Variants in TMEFF1 observed in about 807,000 individuals in gnomAD.
TMEFF1 encodes the protein transmembrane protein with EGF like and two follistatin like domains 1, also known as tomoregulin-1.
Under a neutral mutation model 47.5 loss-of-function variants are expected in TMEFF1, and 20 were observed. The observed-to-expected ratio is 0.42, with a 90% CI of 0.30 to 0.61. The LOEUF (loss-of-function observed/expected upper bound fraction) is 0.61. Ranked by LOEUF, TMEFF1 falls within the 20% of genes least tolerant of loss-of-function variation. TMEFF1 has a pLI of 0.19. For synonymous variants in TMEFF1, 162 were observed against 166.3 expected (o/e 0.97, Z 0.20); for missense variants, 411 against 471.1 (o/e 0.87, Z 1.18).
At chr9:100,540,206 C>G (rs559923509) in intron 5 of TMEFF1, among the ~76,000 whole-genome samples, 4 of 152,016 alleles carry the variant, frequency 2.6e-5, no homozygotes, top group African/African-American at 7.2e-5. Context: ...TTTAGGTAGA[C>G]ACAAAAGTTC....
chr9:100,526,644 A>G (rs925992133), intron 5 of TMEFF1, among the ~76,000 whole-genome samples: 7 of 152,126 alleles, frequency 4.6e-5, no homozygotes, highest in African/African-American at 1.7e-4. Context: ...CTATCTATTG[A>G]AAGAGTGAGA....
intron 5 of TMEFF1, among the ~76,000 whole-genome samples, chr9:100,546,049 C>T (rs1207039911): frequency 1.3e-5 from 2 of 152,188 alleles, no homozygotes; most frequent in African/African-American, 4.8e-5. Context: ...ACTTCTGAGC[C>T]CTCCAAACTG....
intron 1 of TMEFF1, among the ~76,000 whole-genome samples, chr9:100,486,583 T>C (rs1837454591): frequency 6.6e-6 from 1 of 152,246 alleles, no homozygotes; most frequent in Admixed American, 6.5e-5. Flanking sequence ...GCTTTGCATT[T>C]TCTGTTTATG....
intron 5 of TMEFF1, among the ~76,000 whole-genome samples, chr9:100,544,248 A>T (rs1457401402): frequency 6.6e-6 from 1 of 152,044 alleles, no homozygotes; most frequent in African/African-American, 2.4e-5. Context: ...CACACTGCTG[A>T]TAAAGACATA....
At position 100,560,077 on chromosome 9, in the gene TMEFF1, A is replaced by G. The variant is rs143918700; in HGVS notation, c.776-1320A>G. On this transcript the variant is annotated intron_variant, in intron 7 of 9. Transcript: ENST00000374879. ...ATCTTCCTCTTGATCTTCTCCATAC[A>G]CATACATATAACTCACTATTTCATT... Among the ~76,000 whole-genome samples, 135 of 152,142 alleles carry G rather than the reference A, an allele frequency of 8.9e-4. 1 individual carries two copies. The East Asian group carries it at 0.022, about 25-fold the overall frequency.
chr9:100,495,393 G>T (rs927442171), intron 1 of TMEFF1, among the ~76,000 whole-genome samples: 2 of 152,076 alleles, frequency 1.3e-5, no homozygotes, highest in Non-Finnish European at 2.9e-5. Flanking sequence ...TACAAGTCTT[G>T]TTTTTTCTGA....
At chr9:100,493,942 G>A (rs1229342825) in intron 1 of TMEFF1, among the ~76,000 whole-genome samples, 1 of 152,092 alleles carries the variant, frequency 6.6e-6, no homozygotes, top group Non-Finnish European at 1.5e-5. Context: ...TAGCACTTTG[G>A]GAGGCTGAGG....
intron 2 of TMEFF1, among the ~76,000 whole-genome samples, chr9:100,507,162 C>T (rs1311632662): frequency 6.6e-6 from 1 of 152,132 alleles, no homozygotes; most frequent in African/African-American, 2.4e-5. Flanking sequence ...CCTCCAGCTG[C>T]ATCCATGTTG....
chr9:100,505,038 A>G (rs2118343356), intron 2 of TMEFF1, among the ~76,000 whole-genome samples: 1 of 152,316 alleles, frequency 6.6e-6, no homozygotes, highest in African/African-American at 2.4e-5. Flanking sequence ...TTCAGAATGT[A>G]AATGCTTAGG....
intron 5 of TMEFF1, among the ~76,000 whole-genome samples, chr9:100,541,606 T>A (rs1170279266): frequency 1.3e-5 from 2 of 152,040 alleles, no homozygotes; most frequent in African/African-American, 4.8e-5. Flanking sequence ...ACTCCTCACC[T>A]CGTGATCTGC....
intron 2 of TMEFF1, among the ~76,000 whole-genome samples, chr9:100,504,474 A>G (rs1837820242): frequency 6.6e-6 from 1 of 152,202 alleles, no homozygotes; most frequent in South Asian, 2.1e-4. Context: ...ATCATATGGG[A>G]GGAATTGTGG....
intron 5 of TMEFF1, among the ~76,000 whole-genome samples, chr9:100,541,486 G>C (rs575208514): frequency 3.4e-5 from 5 of 148,864 alleles, no homozygotes; most frequent in African/African-American, 5.0e-5. Context: ...TGATTCTCCT[G>C]CCTCAGCTTC....
At chr9:100,500,338 A>G (rs577339592) in intron 2 of TMEFF1, among the ~76,000 whole-genome samples, 5 of 152,238 alleles carry the variant, frequency 3.3e-5, no homozygotes, top group Non-Finnish European at 5.9e-5. Flanking sequence ...TTATTTCTTA[A>G]AATTTTTTTT....
chr9:100,540,680 C>T (rs1838612464), intron 5 of TMEFF1, among the ~76,000 whole-genome samples: 1 of 152,226 alleles, frequency 6.6e-6, no homozygotes, highest in African/African-American at 2.4e-5. Flanking sequence ...TGTCACCTCT[C>T]ACTACCAGCA....
chr9:100,543,774 A>G (rs1378959789), intron 5 of TMEFF1, among the ~76,000 whole-genome samples: 1 of 151,682 alleles, frequency 6.6e-6, no homozygotes, highest in Admixed American at 6.6e-5. Context: ...AAGAAAGTTT[A>G]TTAATTTGTG....
At position 100,576,724 on chromosome 9, in the gene TMEFF1, C is replaced by T. The variant is rs146794031; in HGVS notation, c.*124C>T. Reference sequence around the variant, plus strand: ...CATTTTTAGTGTAGTACTGTTGGCTCGTATTTAGAATATTCAGCTACGACA... The same window carrying T: ...CATTTTTAGTGTAGTACTGTTGGCTTGTATTTAGAATATTCAGCTACGACA... On this transcript the variant is annotated 3_prime_UTR_variant, in exon 10 of 10. Coordinates refer to ENST00000374879, the MANE Select transcript of TMEFF1 (RefSeq NM_003692.5). The T allele has an allele frequency of 2.8e-4, 327 of 1,149,454 alleles. No individual in the cohort carries two copies. Among genetic ancestry groups the T allele is most frequent in the East Asian group, 2.4e-3 (96 of 39,892 alleles). The allele number at this position is 1,149,454 out of a possible 1,614,324, so 71.2% of individuals were successfully genotyped here. A position where few individuals can be genotyped will look rare whatever the true frequency, so the allele number is the denominator to read the frequency against.
chr9:100,546,381 T>C (rs1323206796), intron 5 of TMEFF1, among the ~76,000 whole-genome samples: 1 of 152,018 alleles, frequency 6.6e-6, no homozygotes, highest in Non-Finnish European at 1.5e-5. Context: ...ATGACACTCA[T>C]TCACTATCAT....
chr9:100,523,528 A>C (rs1023309371), intron 5 of TMEFF1, among the ~76,000 whole-genome samples: 15 of 152,160 alleles, frequency 9.9e-5, no homozygotes, highest in Non-Finnish European at 1.6e-4. Context: ...GGCCTTTATT[A>C]TTCACTTAGA....
At chr9:100,534,052 G>T (rs145686724) in intron 5 of TMEFF1, among the ~76,000 whole-genome samples, 12 of 152,268 alleles carry the variant, frequency 7.9e-5, no homozygotes, top group African/African-American at 2.9e-4. Context: ...TTTGAGGTGA[G>T]GGATGGAACC....
Sources: allele counts gnomAD v4.1 joint callset (sites outside exome capture counted in the v4.1 genomes callset), GRCh38; gene constraint gnomAD v4.1.1; transcripts MANE v1.5; gene names NCBI Gene and HGNC (gene_info 2026-07-23, HGNC 2026-07-21).